The following AKAP7 variants were observed in gnomAD, a reference collection of about 807,000 sequenced individuals.
The protein encoded by AKAP7 is A kinase (PRKA) anchor protein 7.
In AKAP7, 39 loss-of-function variants were observed where a neutral mutation model predicts 39.5. That is an observed-to-expected ratio of 0.99 (90% CI 0.76 to 1.29). The LOEUF (loss-of-function observed/expected upper bound fraction) is 1.29, where lower values mean the gene tolerates loss of function less well. Among genes scored for constraint, AKAP7 ranks in the 50% most tolerant of loss-of-function variants. AKAP7 has a pLI of 0.00. For missense variants in AKAP7, 414 were observed against 407.7 expected (o/e 1.02, Z -0.13); for synonymous variants, 140 against 139.1 (o/e 1.01, Z -0.05).
At chr6:131,241,748 A>C in intron 7 of AKAP7, among the ~76,000 whole-genome samples, 1 of 151,954 alleles carries the variant, frequency 6.6e-6, no homozygotes, top group Non-Finnish European at 1.5e-5. Context: ...CTTTGCAGCT[A>C]GTTACCTGAG....
chr6:131,220,526 A>G (rs1209175987), intron 7 of AKAP7, among the ~76,000 whole-genome samples: 1 of 152,208 alleles, frequency 6.6e-6, no homozygotes, highest in Non-Finnish European at 1.5e-5. Context: ...CTTCAAGACA[A>G]CCTGATTTAT....
At chr6:131,162,221 A>G (rs1427737708) in intron 3 of AKAP7, among the ~76,000 whole-genome samples, 1 of 152,208 alleles carries the variant, frequency 6.6e-6, no homozygotes, top group African/African-American at 2.4e-5. Context: ...AGAGAAAAAA[A>G]TTCTTTCCTT....
chr6:131,185,388 C>A, intron 5 of AKAP7: 1 of 531,506 alleles, frequency 1.9e-6, no homozygotes, highest in South Asian at 1.7e-5. Context: ...ATGCTGTGCT[C>A]AGCACAGAGG....
the AKAP7 span, among the ~76,000 whole-genome samples, chr6:131,129,786 T>TA: frequency 6.6e-6 from 1 of 152,242 alleles, no homozygotes; most frequent in Admixed American, 6.5e-5. Context: ...CACCCCGAGT[T>TA]ACCTTGGGTC....
chr6:131,133,971 GTTGT>G (rs537199111), upstream of AKAP7, among the ~76,000 whole-genome samples: 9 of 152,108 alleles, frequency 5.9e-5, no homozygotes, highest in Non-Finnish European at 7.4e-5. Flanking sequence ...GTAAAGCTTT[GTTGT>G]TTGTTTGTTT....
intron 7 of AKAP7, among the ~76,000 whole-genome samples, chr6:131,261,327 C>T (rs1048860093): frequency 1.3e-5 from 2 of 151,844 alleles, no homozygotes; most frequent in Non-Finnish European, 2.9e-5. Flanking sequence ...CACTTACATA[C>T]CACATAAAAT....
At chr6:131,241,613 G>GTGTGTGTGTATACGTATATA (rs1811583030) in intron 7 of AKAP7, among the ~76,000 whole-genome samples, 3 of 102,440 alleles carry the variant, frequency 2.9e-5, no homozygotes, top group African/African-American at 6.9e-5. Context: ...GTGTGTGTGT[G>GTGTGTGTGTATACGTATATA]TGTGTGTGTG....
At chr6:131,139,625 C>T (rs529676961) in intron 1 of AKAP7, among the ~76,000 whole-genome samples, 2 of 146,436 alleles carry the variant, frequency 1.4e-5, no homozygotes, top group South Asian at 4.3e-4. Context: ...ACACTAGCTA[C>T]TAGTGACTTA....
Position 131,164,957 on chromosome 6 carries a change from A to C in AKAP7, c.292-124A>C, listed in dbSNP as rs549829723. 85 of 710,046 alleles carry C rather than the reference A, an allele frequency of 1.2e-4. 3 individuals are homozygous for C. The South Asian group carries it at 1.9e-3, about 16-fold the overall frequency. 44.0% of individuals were successfully genotyped at this position (710,046 alleles called of 1,614,324 possible). A position where few individuals can be genotyped will look rare whatever the true frequency, so the allele number is the denominator to read the frequency against. ...CAATTAAGCATTCATTTGGTTGAAGAATCTTAACATTGTTCTAATTTTGGT... is the reference window on the plus strand; with the variant it reads ...CAATTAAGCATTCATTTGGTTGAAGCATCTTAACATTGTTCTAATTTTGGT... On this transcript the variant is annotated intron_variant, in intron 3 of 7. Coordinates refer to ENST00000431975, the MANE Select transcript of AKAP7 (RefSeq NM_016377.4).
chr6:131,236,755 T>G (rs895903777), intron 7 of AKAP7, among the ~76,000 whole-genome samples: 2 of 152,244 alleles, frequency 1.3e-5, no homozygotes, highest in African/African-American at 4.8e-5. Context: ...ACATTCATTT[T>G]GTATCCTGAG....
intron 7 of AKAP7, among the ~76,000 whole-genome samples, chr6:131,248,906 T>C (rs1241003337): frequency 6.6e-6 from 1 of 152,252 alleles, no homozygotes; most frequent in African/African-American, 2.4e-5. Flanking sequence ...AAAGTTGCTG[T>C]TTATTTATAA....
At chr6:131,146,149 T>C (rs2128227786) in intron 2 of AKAP7, among the ~76,000 whole-genome samples, 1 of 152,308 alleles carries the variant, frequency 6.6e-6, no homozygotes, top group East Asian at 1.9e-4. Flanking sequence ...AGATGGGCAT[T>C]ATCACTGCCC....
intron 5 of AKAP7, among the ~76,000 whole-genome samples, chr6:131,192,488 T>C (rs1305297195): frequency 6.6e-6 from 1 of 152,252 alleles, no homozygotes; most frequent in Non-Finnish European, 1.5e-5. Context: ...TTTGTTACTA[T>C]AGCCCTGTAG....
chr6:131,136,010 A>T (rs918982614), intron 1 of AKAP7, among the ~76,000 whole-genome samples: 3 of 152,092 alleles, frequency 2.0e-5, no homozygotes, highest in African/African-American at 7.2e-5. Flanking sequence ...TGGGTCCGAC[A>T]GGAGGCGGGG....
chr6:131,135,805 G>C (rs1800482813), intron 1 of AKAP7, 23 bp downstream of exon 1: 1 of 1,227,378 alleles, frequency 8.1e-7, no homozygotes, highest in Non-Finnish European at 1.0e-6. Context: ...TGTCCAGCGG[G>C]CCGGGGCGGG....
At chr6:131,275,447 C>A (rs1814668794) in intron 7 of AKAP7, among the ~76,000 whole-genome samples, 1 of 152,176 alleles carries the variant, frequency 6.6e-6, no homozygotes, top group East Asian at 1.9e-4. Flanking sequence ...TCTGTCATAT[C>A]ACCATCAGTA....
chr6:131,246,969 T>C (rs1812052414), intron 7 of AKAP7, among the ~76,000 whole-genome samples: 1 of 152,002 alleles, frequency 6.6e-6, no homozygotes, highest in Non-Finnish European at 1.5e-5. Context: ...GTCAATACTC[T>C]CCAAAAGATT....
intron 7 of AKAP7, among the ~76,000 whole-genome samples, chr6:131,278,925 G>T (rs547620246): frequency 1.2e-4 from 19 of 152,258 alleles, no homozygotes; most frequent in African/African-American, 4.3e-4. Context: ...TAGAAATTGG[G>T]AATGGTGTGG....
At chr6:131,166,622 T>C (rs142365678) in intron 4 of AKAP7, among the ~76,000 whole-genome samples, 12 of 152,252 alleles carry the variant, frequency 7.9e-5, no homozygotes, top group Admixed American at 3.3e-4. Flanking sequence ...CTCCAGTCTT[T>C]TCTATTAAGG....
Sources: allele counts gnomAD v4.1 joint callset (sites outside exome capture counted in the v4.1 genomes callset), GRCh38; gene constraint gnomAD v4.1.1; transcripts MANE v1.5; gene names NCBI Gene and HGNC (gene_info 2026-07-23, HGNC 2026-07-21).